The following ACYP2 variants were observed in gnomAD, a reference collection of about 807,000 sequenced individuals.
ACYP2 encodes the protein acylphosphatase-2.
ACYP2 carries 12 observed loss-of-function variants against 11.2 expected under a neutral mutation model. That is an observed-to-expected ratio of 1.08 (90% CI 0.69 to 1.74). The LOEUF is 1.74. ACYP2 is among the 40% of genes most tolerant of loss of function. The pLI is 0.00. For missense variants in ACYP2, 134 were observed against 101.9 expected (o/e 1.31, Z -1.35); for synonymous variants, 43 against 32.2 (o/e 1.33, Z -1.13).
At chr2:54,038,026 A>C (rs1675005586) in intron 2 of ACYP2, among the ~76,000 whole-genome samples, 1 of 152,224 alleles carries the variant, frequency 6.6e-6, no homozygotes, top group South Asian at 2.1e-4. Context: ...AATTACTACA[A>C]TTTAATATTC....
chr2:54,093,121 G>A (rs1333760287), intron 4 of ACYP2, among the ~76,000 whole-genome samples: 1 of 152,118 alleles, frequency 6.6e-6, no homozygotes, highest in African/African-American at 2.4e-5. Flanking sequence ...CCTCCTACAT[G>A]TAAGTCTCTG....
intron 6 of ACYP2, among the ~76,000 whole-genome samples, chr2:54,286,631 T>TAA (rs1456365053): frequency 1.3e-5 from 2 of 152,120 alleles, no homozygotes; most frequent in African/African-American, 4.8e-5. Context: ...GCTCAACAGA[T>TAA]AACTTTTCTA....
chr2:54,207,173 ATGTGTGTGTGTGTGTG>A (rs58920943), intron 6 of ACYP2, among the ~76,000 whole-genome samples: 1 of 138,650 alleles, frequency 7.2e-6, no homozygotes, highest in African/African-American at 2.7e-5. Flanking sequence ...CAACATGTAT[ATGTGTGTGTGTGTGTG>A]TGTGTGTGTG....
At chr2:54,169,896 T>G (rs540209389) in intron 6 of ACYP2, among the ~76,000 whole-genome samples, 1 of 152,292 alleles carries the variant, frequency 6.6e-6, no homozygotes, top group East Asian at 1.9e-4. Context: ...CCTCCTAATT[T>G]CAGATTAACT....
At chr2:54,183,570 T>A (rs1683839581) in intron 6 of ACYP2, among the ~76,000 whole-genome samples, 1 of 152,122 alleles carries the variant, frequency 6.6e-6, no homozygotes. Flanking sequence ...CATTTTTTTC[T>A]ATTCACAGTA....
At chr2:53,992,513 C>G (rs1036295252) in intron 2 of ACYP2, among the ~76,000 whole-genome samples, 1 of 152,112 alleles carries the variant, frequency 6.6e-6, no homozygotes, top group African/African-American at 2.4e-5. Context: ...GTAGTGCCAA[C>G]GGTGAGAAGT....
intron 6 of ACYP2, among the ~76,000 whole-genome samples, chr2:54,297,841 G>C (rs977124072): frequency 6.6e-6 from 1 of 152,122 alleles, no homozygotes; most frequent in Non-Finnish European, 1.5e-5. Flanking sequence ...TTAAAGACTT[G>C]AGCAAAACTG....
intron 6 of ACYP2, chr2:54,267,326 A>T (rs894533248): frequency 3.8e-5 from 59 of 1,549,042 alleles, no homozygotes; most frequent in Non-Finnish European, 4.9e-5. Flanking sequence ...CTGGGTGAAG[A>T]AAAGAAACAA....
chr2:54,231,411 G>A (rs999808006), intron 6 of ACYP2, among the ~76,000 whole-genome samples: 5 of 152,196 alleles, frequency 3.3e-5, no homozygotes, highest in Non-Finnish European at 5.9e-5. Flanking sequence ...GTATCTTTCT[G>A]TTAACATAAA....
chr2:54,264,144 C>T (rs1210809704), intron 6 of ACYP2, among the ~76,000 whole-genome samples: 2 of 152,128 alleles, frequency 1.3e-5, no homozygotes. Context: ...TCAGAAGGGT[C>T]CGGAGTTTCT....
intron 6 of ACYP2, among the ~76,000 whole-genome samples, chr2:54,252,340 G>T (rs1687266176): frequency 6.6e-6 from 1 of 152,098 alleles, no homozygotes; most frequent in South Asian, 2.1e-4. Context: ...CCCAGTGTCA[G>T]CTATTAAAAT....
chr2:54,233,575 G>C (rs1357758608), intron 6 of ACYP2, among the ~76,000 whole-genome samples: 1 of 151,972 alleles, frequency 6.6e-6, no homozygotes, highest in African/African-American at 2.4e-5. Flanking sequence ...CAAAGTGCTG[G>C]GATTACAGGT....
At chr2:54,151,830 T>C (rs1682184867) in intron 6 of ACYP2, among the ~76,000 whole-genome samples, 1 of 152,192 alleles carries the variant, frequency 6.6e-6, no homozygotes, top group South Asian at 2.1e-4. Flanking sequence ...CATAATGCAG[T>C]ACTAATTACT....
intron 4 of ACYP2, 198 bp from the exon 1 acceptor site, chr2:54,115,417 A>G (rs1679691736): frequency 1.5e-6 from 1 of 660,358 alleles, no homozygotes; most frequent in Non-Finnish European, 2.4e-6. Context: ...AATGGTAGGG[A>G]GCGCTGTGGA....
At chr2:53,992,469 A>G (rs939549983) in intron 2 of ACYP2, among the ~76,000 whole-genome samples, 8 of 152,216 alleles carry the variant, frequency 5.3e-5, no homozygotes, top group African/African-American at 9.6e-5. Flanking sequence ...CAGCAATTCA[A>G]TGAGAGATGA....
intron 6 of ACYP2, among the ~76,000 whole-genome samples, chr2:54,191,053 C>T (rs972219446): frequency 2.0e-5 from 3 of 152,108 alleles, no homozygotes; most frequent in African/African-American, 4.8e-5. Flanking sequence ...TTCTCATGCC[C>T]CCACTCCAGT....
At chr2:54,218,252 T>A (rs1685639554) in intron 6 of ACYP2, among the ~76,000 whole-genome samples, 1 of 152,216 alleles carries the variant, frequency 6.6e-6, no homozygotes. Flanking sequence ...TTAACATATC[T>A]ATGAGACTGT....
At chr2:54,282,000 C>A (rs974213913) in intron 6 of ACYP2, among the ~76,000 whole-genome samples, 1 of 151,984 alleles carries the variant, frequency 6.6e-6, no homozygotes, top group Non-Finnish European at 1.5e-5. Flanking sequence ...TTATTTATAT[C>A]CTATGTTCTT....
chr2:54,190,641 C>T (rs1486398662), intron 6 of ACYP2, among the ~76,000 whole-genome samples: 2 of 152,060 alleles, frequency 1.3e-5, no homozygotes, highest in Admixed American at 1.3e-4. Flanking sequence ...ATGGTTCCTC[C>T]TCATCTCCTG....
Sources: gnomAD v4.1 joint callset for allele counts (sites outside exome capture counted in the v4.1 genomes callset) on GRCh38, gnomAD v4.1.1 for gene constraint, MANE v1.5 for transcripts, NCBI Gene and HGNC (gene_info 2026-07-23, HGNC 2026-07-21) for gene names.